Variants in LRPPRC observed in about 807,000 individuals in gnomAD.
LRPPRC encodes leucine rich pentatricopeptide repeat containing.
In LRPPRC, 120 loss-of-function variants were observed where a neutral mutation model predicts 180.3. That is an observed-to-expected ratio of 0.67 (90% CI 0.57 to 0.77). The LOEUF (loss-of-function observed/expected upper bound fraction) is 0.77. Ranked by LOEUF, LRPPRC falls within the 30% of genes least tolerant of loss-of-function variation. LRPPRC has a pLI of 0.00. For missense variants in LRPPRC, 2,012 were observed against 1,657.2 expected, an observed-to-expected ratio of 1.21 and a Z score of -3.72; for synonymous variants, 723 against 600.0, an observed-to-expected ratio of 1.21 and a Z score of -3.00.
chr2:43,918,188 AG>A, intron 28 of LRPPRC, 55 bp from the exon 29 acceptor site: 5 of 1,595,370 alleles, frequency 3.1e-6, no homozygotes, highest in Non-Finnish European at 4.3e-6. Flanking sequence ...TCAATATAAA[AG>A]TAGGCTAATC....
At chr2:43,951,249 G>T (rs879531349) in intron 14 of LRPPRC, among the ~76,000 whole-genome samples, 6 of 152,164 alleles carry the variant, frequency 3.9e-5, no homozygotes, top group Non-Finnish European at 1.5e-5. Flanking sequence ...TAACAGTGAA[G>T]AATAAAATAC....
At chr2:43,894,729 A>G (rs1286644965) in intron 35 of LRPPRC, 100 bp from the exon 36 acceptor site, 7 of 721,192 alleles carry the variant, frequency 9.7e-6, no homozygotes, top group Admixed American at 5.9e-5. Context: ...CACAATAATT[A>G]TAACAGAACT....
intron 5 of LRPPRC, 119 bp downstream of exon 5, chr2:43,976,873 TAA>T: frequency 1.3e-6 from 1 of 778,316 alleles, no homozygotes; most frequent in Non-Finnish European, 2.2e-6. Flanking sequence ...TTTTCTAGAT[TAA>T]AACAGTTCTG....
At chr2:43,947,070 A>G (rs1305578072) in intron 20 of LRPPRC, among the ~76,000 whole-genome samples, 187 bp downstream of exon 20, 1 of 152,096 alleles carries the variant, frequency 6.6e-6, no homozygotes, top group African/African-American at 2.4e-5. Flanking sequence ...TAAACAAACT[A>G]CAGCAACCAG....
At chr2:43,978,788 G>C (rs1050499128) in intron 3 of LRPPRC, among the ~76,000 whole-genome samples, 13 of 151,934 alleles carry the variant, frequency 8.6e-5, no homozygotes, top group African/African-American at 3.1e-4. Context: ...CTTTTTGAAG[G>C]ATAGTCCTAA....
intron 1 of LRPPRC, among the ~76,000 whole-genome samples, chr2:43,986,012 T>C (rs562059332): frequency 3.0e-4 from 45 of 152,254 alleles, no homozygotes; most frequent in Non-Finnish European, 5.1e-4. Context: ...GCCATTCCGA[T>C]AGTGGTATCT....
Position 43,979,833 on chromosome 2 carries a change from C to A in LRPPRC, c.462G>T (p.Gln154His). ...EFAHRIWDTL[Q>H]KLGAVYDVSH... Reference sequence around the variant, plus strand: ...ATATTTAAACAATCATACCTAATTTCTGAAGTGTGTCCCATATCCTATGAG... The same window carrying A: ...ATATTTAAACAATCATACCTAATTTATGAAGTGTGTCCCATATCCTATGAG... Residue 154 changes from glutamine to histidine, a missense_variant, in exon 3 of 38, where the codon CAG becomes CAT. Transcript: ENST00000260665. 6.2e-7 allele frequency: 1 copy of A among 1,613,140 alleles called. No homozygotes were observed. Among genetic ancestry groups the A allele is most frequent in the Non-Finnish European group, 8.5e-7 (1 of 1,179,188 alleles).
chr2:43,908,137 C>T (rs956426474), intron 30 of LRPPRC, among the ~76,000 whole-genome samples: 2 of 151,990 alleles, frequency 1.3e-5, no homozygotes, highest in African/African-American at 2.4e-5. Context: ...CCAAGAGGAA[C>T]GACAGAAAAT....
At chr2:43,916,929 A>G (rs1394749193) in intron 29 of LRPPRC, among the ~76,000 whole-genome samples, 1 of 122,780 alleles carries the variant, frequency 8.1e-6, no homozygotes, top group Non-Finnish European at 1.6e-5. Flanking sequence ...TGGGTGACAG[A>G]GTGAGACCTG....
intron 30 of LRPPRC, among the ~76,000 whole-genome samples, chr2:43,910,198 A>G (rs371675553): frequency 6.6e-6 from 1 of 151,682 alleles, no homozygotes; most frequent in South Asian, 2.1e-4. Flanking sequence ...CACTGCATGA[A>G]CACTCCAGGG....
At chr2:43,959,272 A>T in intron 13 of LRPPRC, 3 of 708,112 alleles carry the variant, frequency 4.2e-6, no homozygotes, top group Non-Finnish European at 7.8e-6. Flanking sequence ...GATAGCAGCC[A>T]GCAATAATAC....
intron 30 of LRPPRC, among the ~76,000 whole-genome samples, chr2:43,910,239 C>CT (rs60273880): frequency 0.33 from 48,957 of 146,258 alleles, 9,806 homozygotes; most frequent in East Asian, 0.94. Flanking sequence ...ATCTCTCTCC[C>CT]TTTTTTTTTT....
intron 37 of LRPPRC, 103 bp downstream of exon 37, chr2:43,889,630 TA>T: frequency 1.0e-6 from 1 of 990,188 alleles, no homozygotes; most frequent in Non-Finnish European, 1.6e-6. Context: ...CACAGAGATC[TA>T]ATCCTCATGT....
intron 36 of LRPPRC, among the ~76,000 whole-genome samples, chr2:43,893,262 TTTAG>T (rs1400749092): frequency 6.6e-6 from 1 of 152,210 alleles, no homozygotes; most frequent in Admixed American, 6.5e-5. Flanking sequence ...ATGACATAAA[TTTAG>T]TTAATAAAGC....
chr2:43,963,767 G>A (rs944233773), intron 11 of LRPPRC, 61 bp from the exon 12 acceptor site: 29 of 901,014 alleles, frequency 3.2e-5, no homozygotes, highest in South Asian at 5.2e-5. Flanking sequence ...AGAAAAGATC[G>A]GTAAGTTCAG....
chr2:43,961,019 C>G (rs1029390358), intron 12 of LRPPRC, among the ~76,000 whole-genome samples: 3 of 152,076 alleles, frequency 2.0e-5, no homozygotes, highest in Non-Finnish European at 2.9e-5. Flanking sequence ...TCACTTGTCC[C>G]AACATCATTT....
chr2:43,921,594 G>C (rs1332975691), intron 27 of LRPPRC, among the ~76,000 whole-genome samples: 3 of 152,132 alleles, frequency 2.0e-5, no homozygotes, highest in Admixed American at 1.3e-4. Context: ...GGTAGAGAGA[G>C]GGCAATGTAC....
At chr2:43,975,308 A>T in intron 6 of LRPPRC, 91 bp from the exon 7 acceptor site, 1 of 1,062,440 alleles carries the variant, frequency 9.4e-7, no homozygotes, top group Admixed American at 2.0e-5. Flanking sequence ...AAAATAAAAA[A>T]TGCTAAGTAC....
intron 26 of LRPPRC, 34 bp downstream of exon 26, chr2:43,925,859 T>G (rs1240632397): frequency 6.8e-7 from 1 of 1,465,422 alleles, no homozygotes; most frequent in South Asian, 1.1e-5. Context: ...ACTCACACTT[T>G]TAGGTGATTG....
Sources: allele counts gnomAD v4.1 joint callset (sites outside exome capture counted in the v4.1 genomes callset), GRCh38; gene constraint gnomAD v4.1.1; transcripts MANE v1.5; gene names NCBI Gene and HGNC (gene_info 2026-07-23, HGNC 2026-07-21).